PTPRD: variants seen among roughly 807,000 people sequenced by gnomAD.
PTPRD encodes receptor-type tyrosine-protein phosphatase delta.
Under a neutral mutation model 214.5 loss-of-function variants are expected in PTPRD, and 34 were observed. The ratio of observed to expected loss-of-function variants is 0.16; its 90% CI spans 0.12 to 0.21. PTPRD has a LOEUF of 0.21. PTPRD is among the 10% of genes least tolerant of loss of function. PTPRD has a pLI of 1.00. For synonymous variants in PTPRD, 1,128 were observed against 845.7 expected (o/e 1.33, Z -5.79); for missense variants, 2,545 against 2,398.7 (o/e 1.06, Z -1.27).
At chr9:8,735,642 G>C (rs1300551092) in intron 11 of PTPRD, among the ~76,000 whole-genome samples, 2 of 152,142 alleles carry the variant, frequency 1.3e-5, no homozygotes, top group Admixed American at 6.5e-5. Context: ...AGGCGCAGTG[G>C]CTTACGCCTG....
chr9:9,214,217 T>C (rs2099950686), intron 9 of PTPRD, among the ~76,000 whole-genome samples: 1 of 152,166 alleles, frequency 6.6e-6, no homozygotes, highest in South Asian at 2.1e-4. Context: ...AGCTGTTGCG[T>C]TTCCCTCTGA....
chr9:9,117,286 C>A (rs2099813339), intron 10 of PTPRD, among the ~76,000 whole-genome samples: 1 of 149,146 alleles, frequency 6.7e-6, no homozygotes, highest in Non-Finnish European at 1.5e-5. Context: ...TTCGTGAGTA[C>A]AAAAGCACTG....
At chr9:8,459,691 GAC>G (rs1238061260) in intron 33 of PTPRD, among the ~76,000 whole-genome samples, 2 of 152,066 alleles carry the variant, frequency 1.3e-5, no homozygotes, top group African/African-American at 4.8e-5. Context: ...AATGTGGGTA[GAC>G]ACAGATTATT....
At position 8,841,840 on chromosome 9, in the gene PTPRD, A is replaced by G. The variant is rs138611305; in HGVS notation, c.-103-107894T>C. ...CAGCCTGGCCAACATGGTGAACCCC[A>G]TCTCTACTAAAAATACAAAAATTAG... On this transcript the variant is annotated intron_variant, in intron 11 of 45. Transcript: ENST00000381196. Among the ~76,000 whole-genome samples the G allele has an allele frequency of 5.7e-3, 874 of 152,026 alleles. 8 individuals carry two copies. The highest frequency in any genetic ancestry group is 0.044 in the Middle Eastern group (13 of 294).
intron 2 of PTPRD, among the ~76,000 whole-genome samples, chr9:10,479,660 A>AATAAAT (rs763212006): frequency 0.013 from 1,160 of 90,978 alleles, 11 homozygotes; most frequent in African/African-American, 0.031. Context: ...TAAATAAATA[A>AATAAAT]ACAAAAATAC....
intron 10 of PTPRD, among the ~76,000 whole-genome samples, chr9:9,075,694 AATG>A (rs1476320746): frequency 6.6e-6 from 1 of 152,052 alleles, no homozygotes; most frequent in Non-Finnish European, 1.5e-5. Context: ...GTTTGCTTAG[AATG>A]ATGGTTTGCA....
At chr9:8,714,624 G>C (rs924714658) in intron 12 of PTPRD, among the ~76,000 whole-genome samples, 1 of 152,066 alleles carries the variant, frequency 6.6e-6, no homozygotes, top group Non-Finnish European at 1.5e-5. Flanking sequence ...TCCTGCCCTA[G>C]GGTCTTTGGA....
At chr9:9,878,844 G>A (rs2067703631) in intron 5 of PTPRD, among the ~76,000 whole-genome samples, 1 of 152,042 alleles carries the variant, frequency 6.6e-6, no homozygotes, top group African/African-American at 2.4e-5. Flanking sequence ...AAGATGAAGA[G>A]GAAGAACCAT....
intron 10 of PTPRD, among the ~76,000 whole-genome samples, chr9:9,028,116 CA>C (rs2099593257): frequency 6.6e-6 from 1 of 151,916 alleles, no homozygotes; most frequent in Non-Finnish European, 1.5e-5. Flanking sequence ...AGTAACTGCA[CA>C]AAACCTCCCT....
intron 7 of PTPRD, among the ~76,000 whole-genome samples, chr9:9,692,664 G>C (rs926641568): frequency 6.6e-6 from 1 of 150,728 alleles, no homozygotes; most frequent in African/African-American, 2.4e-5. Context: ...TTTCTGTGAA[G>C]ACTGTCATTG....
intron 5 of PTPRD, among the ~76,000 whole-genome samples, chr9:9,839,353 G>T (rs1292321242): frequency 6.6e-6 from 1 of 152,096 alleles, no homozygotes; most frequent in Non-Finnish European, 1.5e-5. Context: ...ATTCAGCAAA[G>T]TCTCAGGATA....
chr9:9,679,566 T>C (rs1448098252), intron 7 of PTPRD, among the ~76,000 whole-genome samples: 1 of 151,908 alleles, frequency 6.6e-6, no homozygotes, highest in Admixed American at 6.6e-5. Context: ...CGAGGAATGC[T>C]TTAAACAGCA....
intron 9 of PTPRD, among the ~76,000 whole-genome samples, chr9:9,387,909 T>C (rs568242521): frequency 3.0e-4 from 45 of 152,286 alleles, no homozygotes; most frequent in African/African-American, 1.0e-3. Flanking sequence ...AGTGGGCATG[T>C]GTTACAGGGT....
At chr9:10,603,296 T>G (rs2078445695) in intron 2 of PTPRD, among the ~76,000 whole-genome samples, 1 of 151,790 alleles carries the variant, frequency 6.6e-6, no homozygotes, top group Non-Finnish European at 1.5e-5. Context: ...ACACTGGAGT[T>G]AGTTTTCCTT....
intron 5 of PTPRD, among the ~76,000 whole-genome samples, chr9:9,827,289 G>A (rs987094102): frequency 1.3e-5 from 2 of 152,112 alleles, no homozygotes; most frequent in Admixed American, 1.3e-4. Context: ...AAACAGCATG[G>A]TACTGGTACC....
At chr9:10,019,117 G>A (rs2154117243) in intron 4 of PTPRD, among the ~76,000 whole-genome samples, 1 of 152,174 alleles carries the variant, frequency 6.6e-6, no homozygotes, top group Admixed American at 6.5e-5. Context: ...GTGGGCGAAA[G>A]ATATGAACAG....
chr9:9,963,544 T>TA (rs2094492970), intron 4 of PTPRD, among the ~76,000 whole-genome samples: 2 of 152,128 alleles, frequency 1.3e-5, no homozygotes, highest in African/African-American at 2.4e-5. Flanking sequence ...ATCAAGGAAA[T>TA]ACAGTGGCAA....
intron 4 of PTPRD, among the ~76,000 whole-genome samples, chr9:9,995,033 T>C (rs1196477539): frequency 6.6e-6 from 1 of 152,156 alleles, no homozygotes; most frequent in Non-Finnish European, 1.5e-5. Context: ...TTATTAAGTT[T>C]AAGCTTATTT....
intron 3 of PTPRD, among the ~76,000 whole-genome samples, chr9:10,054,785 T>C (rs1012780127): frequency 6.6e-6 from 1 of 152,116 alleles, no homozygotes; most frequent in Non-Finnish European, 1.5e-5. Context: ...TTGAATACAG[T>C]CTTTTTCCTA....
Sources: allele counts gnomAD v4.1 joint callset (sites outside exome capture counted in the v4.1 genomes callset), GRCh38; gene constraint gnomAD v4.1.1; transcripts MANE v1.5; gene names NCBI Gene and HGNC (gene_info 2026-07-23, HGNC 2026-07-21).